PTPRD: variants seen among roughly 807,000 people sequenced by gnomAD.
The protein encoded by PTPRD is protein tyrosine phosphatase receptor type D.
In PTPRD, 34 loss-of-function variants were observed where a neutral mutation model predicts 214.5. The observed-to-expected ratio is 0.16, with a 90% CI of 0.12 to 0.21. The LOEUF (loss-of-function observed/expected upper bound fraction) is 0.21, where lower values mean the gene tolerates loss of function less well. PTPRD is among the 10% of genes least tolerant of loss of function. PTPRD has a pLI of 1.00. For synonymous variants in PTPRD, 1,128 were observed against 845.7 expected (o/e 1.33, Z -5.79); for missense variants, 2,545 against 2,398.7 (o/e 1.06, Z -1.27).
At chr9:8,998,370 A>T (rs994055902) in intron 11 of PTPRD, among the ~76,000 whole-genome samples, 1 of 152,072 alleles carries the variant, frequency 6.6e-6, no homozygotes, top group African/African-American at 2.4e-5. Flanking sequence ...CTTAAGAATT[A>T]TGCTAAATCT....
intron 11 of PTPRD, among the ~76,000 whole-genome samples, chr9:8,972,112 C>T (rs1415835239): frequency 6.6e-6 from 1 of 151,782 alleles, no homozygotes; most frequent in East Asian, 1.9e-4. Flanking sequence ...GTTCTGATAG[C>T]ATTACCTCAC....
chr9:9,515,237 C>T (rs1005039015), intron 8 of PTPRD, among the ~76,000 whole-genome samples: 1 of 152,084 alleles, frequency 6.6e-6, no homozygotes, highest in Non-Finnish European at 1.5e-5. Flanking sequence ...TGCCTCCGCA[C>T]ATACCATATA....
intron 27 of PTPRD, among the ~76,000 whole-genome samples, chr9:8,489,414 A>T (rs2097103572): frequency 6.6e-6 from 1 of 152,168 alleles, no homozygotes; most frequent in South Asian, 2.1e-4. Context: ...CTCTATTGCC[A>T]AACCCACAAC....
At chr9:8,497,586 A>G (rs1311723550) in intron 25 of PTPRD, among the ~76,000 whole-genome samples, 1 of 152,234 alleles carries the variant, frequency 6.6e-6, no homozygotes, top group African/African-American at 2.4e-5. Flanking sequence ...TTTGACTTCT[A>G]TCTTAAGTTA....
intron 12 of PTPRD, among the ~76,000 whole-genome samples, chr9:8,666,153 T>C (rs1049549864): frequency 6.6e-6 from 1 of 152,138 alleles, no homozygotes; most frequent in East Asian, 1.9e-4. Context: ...AAGGCCCAGG[T>C]TGAAAAATCC....
At chr9:8,677,053 G>A (rs888024056) in intron 12 of PTPRD, among the ~76,000 whole-genome samples, 3 of 152,032 alleles carry the variant, frequency 2.0e-5, no homozygotes, top group African/African-American at 4.8e-5. Context: ...ATAATCAAAC[G>A]GCATTTTTAA....
intron 10 of PTPRD, among the ~76,000 whole-genome samples, chr9:9,071,840 T>A (rs55661322): frequency 6.6e-6 from 1 of 152,198 alleles, no homozygotes; most frequent in Non-Finnish European, 1.5e-5. Context: ...TGGTAATTTG[T>A]TACTCTAATA....
chr9:10,470,623 G>T (rs1196316091), intron 2 of PTPRD, among the ~76,000 whole-genome samples: 4 of 152,026 alleles, frequency 2.6e-5, no homozygotes, highest in Admixed American at 6.6e-5. Flanking sequence ...GCCCTCCTCT[G>T]CATTGTAGGT....
intron 3 of PTPRD, among the ~76,000 whole-genome samples, chr9:10,254,807 C>T (rs1026433493): frequency 6.6e-6 from 1 of 152,172 alleles, no homozygotes; most frequent in African/African-American, 2.4e-5. Flanking sequence ...CTATGCTTAT[C>T]ATCTGTATTT....
chr9:9,676,441 A>G (rs2096931855), intron 7 of PTPRD, among the ~76,000 whole-genome samples: 1 of 151,900 alleles, frequency 6.6e-6, no homozygotes, highest in African/African-American at 2.4e-5. Flanking sequence ...CCATGTCCCT[A>G]CAAAGGACAT....
At chr9:10,103,398 T>TATATA (rs1416027194) in intron 3 of PTPRD, among the ~76,000 whole-genome samples, 5 of 143,152 alleles carry the variant, frequency 3.5e-5, no homozygotes, top group Admixed American at 7.2e-5. Flanking sequence ...TATATATTTA[T>TATATA]TTAAGAGCAT....
chr9:10,208,156 C>G (rs997312015), intron 3 of PTPRD, among the ~76,000 whole-genome samples: 1 of 152,210 alleles, frequency 6.6e-6, no homozygotes, highest in Non-Finnish European at 1.5e-5. Flanking sequence ...CTGGGAAACA[C>G]TTGTGTTACC....
chr9:9,175,536 T>C (rs1191646692), intron 10 of PTPRD, among the ~76,000 whole-genome samples: 1 of 145,480 alleles, frequency 6.9e-6, no homozygotes, highest in African/African-American at 2.6e-5. Flanking sequence ...GGCAGGAGAA[T>C]CGCTTGAACC....
chr9:8,799,655 C>T (rs2096531678), intron 11 of PTPRD, among the ~76,000 whole-genome samples: 1 of 152,088 alleles, frequency 6.6e-6, no homozygotes, highest in African/African-American at 2.4e-5. Flanking sequence ...CAACTTCTGC[C>T]TTCCTTAATA....
intron 3 of PTPRD, among the ~76,000 whole-genome samples, chr9:10,193,949 C>T (rs1227033740): frequency 1.3e-5 from 2 of 152,082 alleles, no homozygotes; most frequent in Non-Finnish European, 2.9e-5. Flanking sequence ...AAGTGATCAA[C>T]TATTGCTGTG....
At chr9:9,647,992 A>T (rs369381028) in intron 7 of PTPRD, among the ~76,000 whole-genome samples, 262 of 152,276 alleles carry the variant, frequency 1.7e-3, no homozygotes, top group African/African-American at 6.0e-3. Flanking sequence ...ATAATTTTTT[A>T]AAAACTATTC....
chr9:8,795,067 T>C (rs1385327871), intron 11 of PTPRD, among the ~76,000 whole-genome samples: 2 of 152,164 alleles, frequency 1.3e-5, no homozygotes, highest in Non-Finnish European at 2.9e-5. Flanking sequence ...CCTTTTCAAA[T>C]CTTCCGCATT....
chr9:9,160,311 A>G (rs2099885496), intron 10 of PTPRD, among the ~76,000 whole-genome samples: 1 of 152,206 alleles, frequency 6.6e-6, no homozygotes, highest in Non-Finnish European at 1.5e-5. Context: ...CCAAAAATAT[A>G]TAAGGAACTC....
rs367837110 is a variant in PTPRD at position 9,989,754 on chromosome 9, C to G, written c.-472+43964G>C. 1.5e-4 allele frequency among the ~76,000 whole-genome samples: 23 copies of G among 152,304 alleles called. No homozygotes were observed. The East Asian group carries it at 4.5e-3, about 30-fold the overall frequency. On this transcript the variant is annotated intron_variant, in intron 4 of 45. Coordinates refer to ENST00000381196, the MANE Select transcript of PTPRD (RefSeq NM_002839.4). ...AAAGCTAAAAGAGTGCACTGTGACA[C>G]ACACCCGCTGGGGCTCCAGGGGTCA...
Sources: allele counts gnomAD v4.1 joint callset (sites outside exome capture counted in the v4.1 genomes callset), GRCh38; gene constraint gnomAD v4.1.1; transcripts MANE v1.5; gene names NCBI Gene and HGNC (gene_info 2026-07-23, HGNC 2026-07-21).